COL15A1: variants seen among roughly 807,000 people sequenced by gnomAD.
COL15A1 encodes collagen type XV alpha 1 chain.
A neutral mutation model predicts 165.9 loss-of-function variants in COL15A1; 111 were observed. The ratio of observed to expected loss-of-function variants is 0.67; its 90% CI spans 0.57 to 0.78. COL15A1 has a LOEUF of 0.78. Among genes scored for constraint, COL15A1 ranks in the 30% least tolerant of loss-of-function variants. COL15A1 has a pLI of 0.00. For synonymous variants in COL15A1, 659 were observed against 674.8 expected (o/e 0.98, Z 0.36); for missense variants, 1,745 against 1,789.7 (o/e 0.98, Z 0.45).
intron 21 of COL15A1, 71 bp from the exon 22 acceptor site, chr9:99,038,597 G>T: frequency 3.1e-6 from 3 of 976,236 alleles, no homozygotes; most frequent in Non-Finnish European, 5.0e-6. Context: ...TTTAATTAAA[G>T]CTTTGCTGCC....
In COL15A1 at chr9:99,069,747, G is replaced by T; in HGVS notation, c.4028G>T (p.Arg1343Leu). 6.2e-7 allele frequency: 1 copy of T among 1,614,222 alleles called. No homozygotes were observed. Among genetic ancestry groups the T allele is most frequent in the Non-Finnish European group, 8.5e-7 (1 of 1,180,036 alleles). The part of the protein sequence containing the change: ...RLVDNYCEAW[R>L]TADTAVTGLA... ...GTGGATAACTACTGTGAAGCATGGCGAACCGCGGACACAGCGGTCACGGGA... is the reference window on the plus strand; with the variant it reads ...GTGGATAACTACTGTGAAGCATGGCTAACCGCGGACACAGCGGTCACGGGA... Residue 1343 changes from arginine (R) to leucine (L), a missense_variant, in exon 42 of 42, where the codon CGA becomes CTA. Transcript: ENST00000375001.
intron 13 of COL15A1, among the ~76,000 whole-genome samples, chr9:99,022,584 ACCAG>A (rs1415005652): frequency 1.3e-5 from 2 of 152,040 alleles, no homozygotes; most frequent in Non-Finnish European, 2.9e-5. Flanking sequence ...GGGCGATGGC[ACCAG>A]CCTCCTAACT....
At chr9:99,023,058 G>A (rs1225391015) in intron 13 of COL15A1, among the ~76,000 whole-genome samples, 1 of 152,168 alleles carries the variant, frequency 6.6e-6, no homozygotes, top group Non-Finnish European at 1.5e-5. Context: ...CTGGAAACGG[G>A]GTAGGGAGGG....
chr9:99,069,870 C>CA lies in COL15A1; in HGVS notation c.4152dup (p.Asp1385ArgfsTer3). On this transcript the variant is annotated frameshift_variant, in exon 42 of 42. Coordinates refer to ENST00000375001, the MANE Select transcript of COL15A1 (RefSeq NM_001855.5). LOFTEE classifies it high-confidence loss of function. The stretch of plus-strand genomic sequence containing the variant: ...CTATGTATCGAAAACAGTTTCATGA[C>CA]AGACGCTAGGAAGTAATGGCCTTCT... 1 of 1,611,994 alleles carries CA rather than the reference C, an allele frequency of 6.2e-7. No homozygotes were observed. The highest frequency in any genetic ancestry group is 8.5e-7 in the Non-Finnish European group (1 of 1,178,198).
chr9:98,972,723 G>T (rs1295799702), intron 2 of COL15A1, among the ~76,000 whole-genome samples: 4 of 152,178 alleles, frequency 2.6e-5, no homozygotes, highest in Non-Finnish European at 4.4e-5. Flanking sequence ...GAGTTGGCAT[G>T]GTCCATGCCC....
intron 2 of COL15A1, among the ~76,000 whole-genome samples, chr9:98,980,767 A>G (rs1332375168): frequency 6.6e-6 from 1 of 152,234 alleles, no homozygotes; most frequent in Non-Finnish European, 1.5e-5. Flanking sequence ...GCTATAAAGA[A>G]AAATACAATG....
intron 9 of COL15A1, 90 bp downstream of exon 9, chr9:99,005,140 A>G: frequency 7.3e-7 from 1 of 1,360,954 alleles, no homozygotes; most frequent in Non-Finnish European, 9.9e-7. Context: ...CAGCAAACCC[A>G]TGGGAGCCTG....
chr9:99,008,646 G>A (rs942115284), intron 9 of COL15A1, among the ~76,000 whole-genome samples: 2 of 151,844 alleles, frequency 1.3e-5, no homozygotes, highest in African/African-American at 4.8e-5. Context: ...TTTCTCTCTT[G>A]TCTCCCAGGC....
At chr9:98,978,635 CT>C (rs531239507) in intron 2 of COL15A1, among the ~76,000 whole-genome samples, 449 of 152,086 alleles carry the variant, frequency 3.0e-3, no homozygotes, top group Non-Finnish European at 4.6e-3. Context: ...TCTTTTCCTT[CT>C]TTTTTTCTTT....
intron 16 of COL15A1, among the ~76,000 whole-genome samples, chr9:99,027,499 A>T (rs978883389): frequency 1.3e-5 from 2 of 150,360 alleles, no homozygotes; most frequent in African/African-American, 4.9e-5. Flanking sequence ...TGCAGGAAGC[A>T]CCACAGACCT....
chr9:99,048,625 T>C (rs1209414319), intron 28 of COL15A1, among the ~76,000 whole-genome samples: 1 of 152,182 alleles, frequency 6.6e-6, no homozygotes, highest in African/African-American at 2.4e-5. Context: ...ATGTGCCATT[T>C]TGGTGTGCTG....
At chr9:99,027,547 C>A (rs917104337) in intron 16 of COL15A1, among the ~76,000 whole-genome samples, 6 of 152,032 alleles carry the variant, frequency 3.9e-5, no homozygotes, top group Admixed American at 6.5e-5. Flanking sequence ...GGCTTCCCCC[C>A]ACCCACCCAC....
chr9:98,978,088 G>A (rs574225492), intron 2 of COL15A1, among the ~76,000 whole-genome samples: 8 of 152,300 alleles, frequency 5.3e-5, no homozygotes, highest in Admixed American at 5.2e-4. Flanking sequence ...CCCATCTGTT[G>A]CTTCCTGGCT....
intron 19 of COL15A1, among the ~76,000 whole-genome samples, chr9:99,035,735 A>G (rs1409633530): frequency 6.6e-6 from 1 of 151,996 alleles, no homozygotes; most frequent in Non-Finnish European, 1.5e-5. Context: ...TCCTCCCTCC[A>G]GTTGCCCCAT....
In COL15A1 at chr9:98,944,246, G is replaced by T. The variant is rs1427758216; in HGVS notation, c.96G>T (p.Ala32=). ...PLPAVTQTRG[A]TETASQGHLD... ...CTGCTGTCACCCAGACCCGCGGTGC[G>T]ACAGGTAAGCAACCCGGTCGGAGGG... The change falls in exon 2 of 42, where the codon GCG becomes GCT. Residue 32 remains alanine (A), a synonymous_variant. Transcript: ENST00000375001. 1 of 1,613,634 alleles carries T rather than the reference G, an allele frequency of 6.2e-7. No homozygotes were observed. The highest frequency in any genetic ancestry group is 1.3e-5 in the African/African-American group (1 of 74,934).
In COL15A1 at chr9:98,989,238, G is replaced by A. The variant is rs147097210; in HGVS notation, c.784G>A (p.Val262Ile). 1.2e-5 allele frequency: 20 copies of A among 1,613,882 alleles called. No homozygotes were observed. Among genetic ancestry groups the A allele is most frequent in the South Asian group, 5.5e-5 (5 of 91,072 alleles). Residue 262 changes from valine (V) to isoleucine (I), a missense_variant, in exon 5 of 42, where the codon GTC becomes ATC. Physicochemically the swap from Val to Ile is conservative, Grantham distance 29 (BLOSUM62 3). Coordinates refer to ENST00000375001, the MANE Select transcript of COL15A1 (RefSeq NM_001855.5). ...ADGVAEILEA[V>I]TYTQASPKEA... Reference sequence around the variant, plus strand: ...CGGAGTAGCTGAGATCTTAGAAGCCGTCACCTACACTCAAGCCTCGGTGAG... The same window carrying A: ...CGGAGTAGCTGAGATCTTAGAAGCCATCACCTACACTCAAGCCTCGGTGAG...
intron 4 of COL15A1, among the ~76,000 whole-genome samples, chr9:98,988,308 TC>T (rs1255361311): frequency 2.3e-4 from 35 of 152,208 alleles, no homozygotes; most frequent in Admixed American, 2.1e-3. Flanking sequence ...GTGATGCTGA[TC>T]AGTGTAGTCA....
Position 99,010,482 on chromosome 9 carries a change from G to A in COL15A1, c.1354-4935G>A, listed in dbSNP as rs369555839. ...TATTAGGCAAAAGAGACAGTGAGAAGGGGAGTGGAAGAAGGGGTCAGCTGC... is the reference window on the plus strand; with the variant it reads ...TATTAGGCAAAAGAGACAGTGAGAAAGGGAGTGGAAGAAGGGGTCAGCTGC... On this transcript the variant is annotated intron_variant, in intron 9 of 41. Coordinates refer to ENST00000375001, the MANE Select transcript of COL15A1 (RefSeq NM_001855.5). Among the ~76,000 whole-genome samples the A allele has an allele frequency of 8.4e-4, 128 of 152,330 alleles. 1 individual carries two copies. The Middle Eastern group carries it at 0.014, about 16-fold the overall frequency.
intron 16 of COL15A1, among the ~76,000 whole-genome samples, chr9:99,028,045 C>CA (rs1839156823): frequency 6.6e-6 from 1 of 152,156 alleles, no homozygotes; most frequent in Non-Finnish European, 1.5e-5. Flanking sequence ...CCTCCAGTGA[C>CA]AAGGAACTCA....
Sources: gnomAD v4.1 joint callset for allele counts (sites outside exome capture counted in the v4.1 genomes callset) on GRCh38, gnomAD v4.1.1 for gene constraint, MANE v1.5 for transcripts, NCBI Gene and HGNC (gene_info 2026-07-23, HGNC 2026-07-21) for gene names.